PBX1: variants seen among roughly 807,000 people sequenced by gnomAD.
The protein encoded by PBX1 is PBX homeobox 1.
A neutral mutation model predicts 53.4 loss-of-function variants in PBX1; 6 were observed. The ratio of observed to expected loss-of-function variants is 0.11; its 90% CI spans 0.06 to 0.22. The LOEUF (loss-of-function observed/expected upper bound fraction) is 0.22, where lower values mean the gene tolerates loss of function less well. Ranked by LOEUF, PBX1 falls within the 10% of genes least tolerant of loss-of-function variation. The pLI is 1.00. For synonymous variants in PBX1, 204 were observed against 212.3 expected (o/e 0.96, Z 0.34); for missense variants, 251 against 551.4 (o/e 0.46, Z 5.46).
At chr1:164,674,869 C>G (rs1234039526) in intron 2 of PBX1, 1 of 123,124 alleles carries the variant, frequency 8.1e-6, no homozygotes, top group African/African-American at 3.0e-5. Flanking sequence ...CCCCACCCAC[C>G]ACCAAGAGGA....
intron 2 of PBX1, among the ~76,000 whole-genome samples, chr1:164,727,173 C>T (rs1430178439): frequency 3.3e-5 from 5 of 152,128 alleles, no homozygotes; most frequent in Admixed American, 2.0e-4. Context: ...TTGGCATGCT[C>T]ATAATGAACA....
intron 2 of PBX1, among the ~76,000 whole-genome samples, chr1:164,731,236 G>A (rs1175702320): frequency 6.6e-6 from 1 of 150,562 alleles, no homozygotes; most frequent in African/African-American, 2.5e-5. Flanking sequence ...AGTATCTTTT[G>A]CCATTTTCCT....
chr1:164,623,866 A>C (rs890146502), intron 2 of PBX1, among the ~76,000 whole-genome samples: 2 of 152,196 alleles, frequency 1.3e-5, no homozygotes, highest in South Asian at 4.1e-4. Context: ...ATATATAACT[A>C]TATGCAATTT....
At chr1:164,729,581 T>A (rs1393972993) in intron 2 of PBX1, among the ~76,000 whole-genome samples, 1 of 152,228 alleles carries the variant, frequency 6.6e-6, no homozygotes, top group Middle Eastern at 3.2e-3. Context: ...ATTCTCAACA[T>A]GTTTCAGGCA....
chr1:164,846,711 C>T lies in PBX1; in HGVS notation c.*35C>T, dbSNP rs1671586102. On this transcript the variant is annotated 3_prime_UTR_variant, in exon 9 of 9. Transcript: ENST00000420696. ...AATCGCATCCCGGCTGACCCTGTGC[C>T]CCAGTTGGGGCAGGGGCAGGAGGGA... is the stretch of plus-strand genomic sequence containing the variant. 3 of 1,613,994 alleles carry T rather than the reference C, an allele frequency of 1.9e-6. No individual in the cohort carries two copies. Among genetic ancestry groups the T allele is most frequent in the Non-Finnish European group, 2.5e-6 (3 of 1,179,944 alleles).
chr1:164,637,229 A>G (rs1455468212), intron 2 of PBX1, among the ~76,000 whole-genome samples: 1 of 152,344 alleles, frequency 6.6e-6, no homozygotes, highest in Middle Eastern at 3.4e-3. Flanking sequence ...AAGAAAATGC[A>G]TATGCCCTTG....
intron 5 of PBX1, 84 bp from the exon 6 acceptor site, chr1:164,811,906 T>C (rs965040142): frequency 4.3e-6 from 5 of 1,157,224 alleles, no homozygotes; most frequent in Non-Finnish European, 6.1e-6. Context: ...CCTCTTCACC[T>C]CTCCCATAAA....
chr1:164,773,089 C>T (rs1385748502), intron 2 of PBX1: 1 of 152,188 alleles, frequency 6.6e-6, no homozygotes, highest in Non-Finnish European at 1.5e-5. Context: ...AGCAGTTGTT[C>T]TCAGCCCTCT....
intron 2 of PBX1, among the ~76,000 whole-genome samples, chr1:164,673,578 C>T (rs1047146003): frequency 4.7e-5 from 7 of 147,418 alleles, no homozygotes; most frequent in Admixed American, 7.0e-5. Flanking sequence ...TCAAGCGATT[C>T]TCCTGCCTCA....
At chr1:164,571,460 C>A (rs1489076327) in intron 2 of PBX1, among the ~76,000 whole-genome samples, 1 of 152,026 alleles carries the variant, frequency 6.6e-6, no homozygotes, top group Admixed American at 6.6e-5. Flanking sequence ...TGTTTTTTGA[C>A]TCATTTCTTC....
chr1:164,831,085 G>T (rs1670730712), intron 8 of PBX1, among the ~76,000 whole-genome samples: 1 of 152,092 alleles, frequency 6.6e-6, no homozygotes, highest in African/African-American at 2.4e-5. Context: ...AAACTGGAAA[G>T]AATTTTACAG....
intron 3 of PBX1, 128 bp from the exon 4 acceptor site, chr1:164,799,571 C>A: frequency 2.7e-6 from 2 of 733,204 alleles, no homozygotes; most frequent in East Asian, 2.6e-5. Flanking sequence ...GGACGTCTAC[C>A]ACAAACTATC....
Position 164,812,139 on chromosome 1 carries a change from C to A in PBX1, c.987C>A (p.Pro329=). 6.2e-7 allele frequency: 1 copy of A among 1,609,816 alleles called. No individual in the cohort carries two copies. The highest frequency in any genetic ancestry group is 8.5e-7 in the Non-Finnish European group (1 of 1,177,752). Residue 329 remains proline (P), a synonymous_variant, in exon 6 of 9, where the codon CCC becomes CCA. Coordinates refer to ENST00000420696, the MANE Select transcript of PBX1 (RefSeq NM_002585.4). ...GCCAAGCTAACTCGCCCTCAACTCC[C>A]AACTCGGCTGGTTAGTTTTTTCTTT... The part of the protein sequence containing the change: ...HGSQANSPST[P]NSAGSSSSFN...
chr1:164,839,358 T>A (rs763284819), intron 8 of PBX1, among the ~76,000 whole-genome samples: 14 of 152,234 alleles, frequency 9.2e-5, no homozygotes, highest in Admixed American at 3.3e-4. Context: ...GGGCACTGAA[T>A]ACGTATTTAC....
chr1:164,776,974 A>AT (rs1372041144), intron 2 of PBX1, among the ~76,000 whole-genome samples: 882 of 77,852 alleles, frequency 0.011, 115 homozygotes, highest in African/African-American at 0.059. Flanking sequence ...AGAGAGAGAG[A>AT]GAGAGGAGGT....
In PBX1 at chr1:164,846,794, C is replaced by T; in HGVS notation, c.*118C>T. 1 of 1,564,488 alleles carries T rather than the reference C, an allele frequency of 6.4e-7. No homozygotes were observed. Among genetic ancestry groups the T allele is most frequent in the Admixed American group, 1.9e-5 (1 of 53,800 alleles). On this transcript the variant is annotated 3_prime_UTR_variant, in exon 9 of 9. Transcript: ENST00000420696. ...TGGAGGTCGAAGCAATCAGCAAACA[C>T]AATAAGAGTCTCCTTCTCTTCTCTT...
rs528605335 is a variant in PBX1 at position 164,559,501 on chromosome 1, G to T, written c.-322G>T. On this transcript the variant is annotated 5_prime_UTR_variant, in exon 1 of 9. Coordinates refer to ENST00000420696, the MANE Select transcript of PBX1 (RefSeq NM_002585.4). ...GACCGGACTGAAAAACCTAAAGCCA[G>T]CTCTGATTTCTTTTCGCCAAGTGGG... The T allele has an allele frequency of 3.9e-4, 122 of 313,184 alleles. 1 individual carries two copies. The highest frequency in any genetic ancestry group is 2.3e-3 in the African/African-American group (111 of 47,346). 19.4% of individuals were successfully genotyped at this position (313,184 alleles called of 1,614,324 possible).
At position 164,710,657 on chromosome 1, in the gene PBX1, C is replaced by T. The variant is rs570882554; in HGVS notation, c.266-81837C>T. ...AACTCCCGAACTCAGGTGATCTGCC[C>T]GCCTTGGCCCCCCAAAGTGCTGGGA... is the stretch of plus-strand genomic sequence containing the variant. On this transcript the variant is annotated intron_variant, in intron 2 of 8. Transcript: ENST00000420696. 1.1e-4 allele frequency among the ~76,000 whole-genome samples: 17 copies of T among 152,194 alleles called. No individual in the cohort carries two copies. The South Asian group carries it at 2.7e-3, about 24-fold the overall frequency.
intron 2 of PBX1, among the ~76,000 whole-genome samples, chr1:164,870,266 C>T (rs4657379): frequency 1.4e-3 from 64 of 45,192 alleles, no homozygotes; most frequent in African/African-American, 3.3e-3. Context: ...TCCTTCCTTC[C>T]TTCTTTCTTT....
Sources: gnomAD v4.1 joint callset for allele counts (sites outside exome capture counted in the v4.1 genomes callset) on GRCh38, gnomAD v4.1.1 for gene constraint, MANE v1.5 for transcripts, NCBI Gene and HGNC (gene_info 2026-07-23, HGNC 2026-07-21) for gene names.